PLXNA4: variants seen among roughly 807,000 people sequenced by gnomAD.
The protein encoded by PLXNA4 is plexin-A4.
In PLXNA4, 44 loss-of-function variants were observed where a neutral mutation model predicts 191.8. The ratio of observed to expected loss-of-function variants is 0.23; its 90% CI spans 0.18 to 0.29. PLXNA4 has a LOEUF of 0.29. Among genes scored for constraint, PLXNA4 ranks in the 10% least tolerant of loss-of-function variants. PLXNA4 has a pLI of 1.00. For synonymous variants in PLXNA4, 1,082 were observed against 1,009.5 expected, an observed-to-expected ratio of 1.07 and a Z score of -1.36; for missense variants, 1,800 against 2,488.8, an observed-to-expected ratio of 0.72 and a Z score of 5.89.
rs149378757 is a variant in PLXNA4, at chr7:132,330,186, G to A, written c.1372-31964C>T. Among the ~76,000 whole-genome samples, 123 of 152,298 alleles carry A rather than the reference G, an allele frequency of 8.1e-4. 2 individuals carry two copies. Among genetic ancestry groups the A allele is most frequent in the Middle Eastern group, 3.4e-3 (1 of 294 alleles). The stretch of plus-strand genomic sequence containing the variant: ...CAGTGCAGAGCCACCGAGGTGGGAA[G>A]GACCTGGATTGTTTGGGGGCAGTGA... On this transcript the variant is annotated intron_variant, in intron 3 of 31. Transcript: ENST00000321063.
chr7:132,611,016 A>G (rs917044284), intron 2 of PLXNA4, among the ~76,000 whole-genome samples: 7 of 152,024 alleles, frequency 4.6e-5, no homozygotes, highest in African/African-American at 1.2e-4. Context: ...GGTCTCCCCA[A>G]CCCCAATCAC....
intron 1 of PLXNA4, among the ~76,000 whole-genome samples, chr7:132,551,107 C>T (rs923561021): frequency 4.6e-5 from 7 of 152,198 alleles, no homozygotes; most frequent in African/African-American, 1.7e-4. Flanking sequence ...TGGACCACAG[C>T]AGCAGCCTCC....
At chr7:132,437,030 T>G (rs1006430235) in intron 3 of PLXNA4, among the ~76,000 whole-genome samples, 18 of 152,322 alleles carry the variant, frequency 1.2e-4, no homozygotes, top group Middle Eastern at 6.8e-3. Context: ...ACACATGCCT[T>G]GCTCAGGGAT....
chr7:132,346,464 C>T (rs1425256636), intron 3 of PLXNA4, among the ~76,000 whole-genome samples: 1 of 152,200 alleles, frequency 6.6e-6, no homozygotes, highest in Non-Finnish European at 1.5e-5. Context: ...GCTAATTACA[C>T]TCTTCTCTCT....
At chr7:132,402,399 G>T (rs1012195033) in intron 3 of PLXNA4, among the ~76,000 whole-genome samples, 3 of 152,156 alleles carry the variant, frequency 2.0e-5, no homozygotes, top group African/African-American at 4.8e-5. Context: ...AGGCACAGGG[G>T]CTCCATTGTA....
chr7:132,562,784 TTC>T (rs1322097022), intron 1 of PLXNA4, among the ~76,000 whole-genome samples: 1 of 77,988 alleles, frequency 1.3e-5, no homozygotes, highest in Non-Finnish European at 2.5e-5. Flanking sequence ...CCTCCCCCTC[TTC>T]TTTCTCCACC....
chr7:132,240,954 A>C, intron 5 of PLXNA4, 112 bp downstream of exon 5: 3 of 654,174 alleles, frequency 4.6e-6, no homozygotes, highest in Non-Finnish European at 7.5e-6. Flanking sequence ...GAGCAAGAAT[A>C]GCTGAGGAGA....
At chr7:132,429,452 A>G (rs1009502854) in intron 3 of PLXNA4, among the ~76,000 whole-genome samples, 5 of 152,198 alleles carry the variant, frequency 3.3e-5, no homozygotes, top group African/African-American at 1.2e-4. Context: ...GCAACAACTC[A>G]ACTTTGCCAT....
At chr7:132,165,222 A>G (rs17166207) in intron 22 of PLXNA4, 22 bp from the exon 23 acceptor site, 123,696 of 1,608,078 alleles carry the variant, frequency 0.077, 9,427 homozygotes, top group African/African-American at 0.4. Context: ...CACCGAGGGA[A>G]CCAACGGAAC....
chr7:132,529,484 C>A (rs774498282), intron 1 of PLXNA4, among the ~76,000 whole-genome samples: 1 of 152,130 alleles, frequency 6.6e-6, no homozygotes, highest in Non-Finnish European at 1.5e-5. Flanking sequence ...ACTTACTATG[C>A]ATTGGATTCA....
At chr7:132,389,771 G>T (rs914369034) in intron 3 of PLXNA4, among the ~76,000 whole-genome samples, 1 of 152,174 alleles carries the variant, frequency 6.6e-6, no homozygotes, top group East Asian at 1.9e-4. Context: ...GATTCCATAA[G>T]AAATTTGAAG....
At chr7:132,485,156 A>T (rs1797503665) in intron 3 of PLXNA4, 2 of 1,247,650 alleles carry the variant, frequency 1.6e-6, no homozygotes, top group Non-Finnish European at 2.2e-6. Context: ...ATGTGCACCC[A>T]GTACCTATTC....
At chr7:132,453,666 C>T (rs1013659245) in intron 3 of PLXNA4, among the ~76,000 whole-genome samples, 1 of 152,030 alleles carries the variant, frequency 6.6e-6, no homozygotes, top group Non-Finnish European at 1.5e-5. Context: ...CTCAGCCTCC[C>T]GAGTAGCTGG....
chr7:132,140,055 A>G (rs113791175), intron 30 of PLXNA4, among the ~76,000 whole-genome samples: 13 of 152,278 alleles, frequency 8.5e-5, no homozygotes, highest in African/African-American at 3.1e-4. Context: ...GGACACTGGG[A>G]TTTGATCACA....
chr7:132,242,890 C>T (rs17216760), intron 4 of PLXNA4, among the ~76,000 whole-genome samples: 5,887 of 152,266 alleles, frequency 0.039, 180 homozygotes, highest in Non-Finnish European at 0.059. Context: ...CTTTCTGTTG[C>T]GTCTTTAATT....
At chr7:132,236,805 T>A (rs1054228601) in intron 5 of PLXNA4, among the ~76,000 whole-genome samples, 1 of 152,136 alleles carries the variant, frequency 6.6e-6, no homozygotes, top group Non-Finnish European at 1.5e-5. Flanking sequence ...AGAGCAAGCA[T>A]CCATAGGCTC....
At chr7:132,524,346 C>G (rs943510804) in intron 1 of PLXNA4, among the ~76,000 whole-genome samples, 2 of 152,196 alleles carry the variant, frequency 1.3e-5, no homozygotes, top group African/African-American at 4.8e-5. Context: ...TTATGCAGTA[C>G]AGGCTACTTT....
At chr7:132,371,653 G>A (rs902503303) in intron 3 of PLXNA4, among the ~76,000 whole-genome samples, 11 of 152,296 alleles carry the variant, frequency 7.2e-5, no homozygotes, top group Admixed American at 2.0e-4. Flanking sequence ...AAACTCGAGT[G>A]GGGACGGAGA....
At chr7:132,624,484 T>A (rs1328073864) in intron 2 of PLXNA4, among the ~76,000 whole-genome samples, 1 of 152,100 alleles carries the variant, frequency 6.6e-6, no homozygotes, top group Non-Finnish European at 1.5e-5. Flanking sequence ...AGAGGTCACA[T>A]GGGGGTGTGT....
Sources: allele counts gnomAD v4.1 joint callset (sites outside exome capture counted in the v4.1 genomes callset), GRCh38; gene constraint gnomAD v4.1.1; transcripts MANE v1.5; gene names NCBI Gene and HGNC (gene_info 2026-07-23, HGNC 2026-07-21).